Variants in MYO3A observed in about 807,000 individuals in gnomAD.
The protein encoded by MYO3A is myosin-IIIa.
In MYO3A, 180 loss-of-function variants were observed where a neutral mutation model predicts 192.7. The observed-to-expected ratio is 0.93, with a 90% CI of 0.83 to 1.06. The LOEUF (loss-of-function observed/expected upper bound fraction) is 1.06. MYO3A is among the 50% of genes least tolerant of loss of function. MYO3A has a pLI of 0.00. For missense variants in MYO3A, 1,896 were observed against 1,905.0 expected, an observed-to-expected ratio of 1.00 and a Z score of 0.09; for synonymous variants, 628 against 645.3, an observed-to-expected ratio of 0.97 and a Z score of 0.41.
At chr10:26,119,710 G>C (rs986106891) in intron 17 of MYO3A, among the ~76,000 whole-genome samples, 1 of 152,120 alleles carries the variant, frequency 6.6e-6, no homozygotes, top group African/African-American at 2.4e-5. Context: ...TGAAGAGCTA[G>C]AATTACCATA....
intron 17 of MYO3A, among the ~76,000 whole-genome samples, chr10:26,110,153 T>C (rs1838073722): frequency 6.6e-6 from 1 of 152,176 alleles, no homozygotes; most frequent in African/African-American, 2.4e-5. Flanking sequence ...TTGACCATCT[T>C]CATTTCTGAA....
intron 14 of MYO3A, among the ~76,000 whole-genome samples, chr10:26,080,535 G>A (rs1416044447): frequency 1.7e-5 from 2 of 117,340 alleles, no homozygotes; most frequent in African/African-American, 6.5e-5. Flanking sequence ...GGTAAATCTG[G>A]GTTTTTTTTT....
intron 34 of MYO3A, among the ~76,000 whole-genome samples, chr10:26,205,368 A>G (rs188382326): frequency 4.0e-5 from 6 of 151,734 alleles, no homozygotes; most frequent in African/African-American, 1.2e-4. Flanking sequence ...CCTCCTGCCT[A>G]ACTGACATTT....
chr10:25,968,548 G>T (rs907651287), intron 4 of MYO3A, among the ~76,000 whole-genome samples: 1 of 152,076 alleles, frequency 6.6e-6, no homozygotes, highest in Non-Finnish European at 1.5e-5. Context: ...AAGAAAAAAC[G>T]CTTTTTAGAA....
At chr10:26,194,143 T>C (rs1179731848) in intron 32 of MYO3A, among the ~76,000 whole-genome samples, 1 of 152,218 alleles carries the variant, frequency 6.6e-6, no homozygotes, top group Non-Finnish European at 1.5e-5. Flanking sequence ...TATTTCAGAC[T>C]ATTAATCATT....
intron 32 of MYO3A, among the ~76,000 whole-genome samples, chr10:26,200,297 A>G (rs1373498615): frequency 6.6e-6 from 1 of 152,208 alleles, no homozygotes; most frequent in Non-Finnish European, 1.5e-5. Context: ...TGTCTCTAAG[A>G]ATACTGGGGA....
At chr10:26,055,112 C>T (rs1020421623) in intron 10 of MYO3A, among the ~76,000 whole-genome samples, 1 of 152,182 alleles carries the variant, frequency 6.6e-6, no homozygotes, top group Non-Finnish European at 1.5e-5. Flanking sequence ...GTGGTGCTAA[C>T]CCTAGAGCTA....
intron 10 of MYO3A, among the ~76,000 whole-genome samples, chr10:26,065,579 C>A (rs1834770172): frequency 3.3e-5 from 3 of 90,136 alleles, no homozygotes; most frequent in South Asian, 4.3e-4. Context: ...AGCGAGACTC[C>A]ATCTCCAAAA....
At chr10:25,948,300 C>G (rs1410858529) in intron 2 of MYO3A, among the ~76,000 whole-genome samples, 2 of 151,990 alleles carry the variant, frequency 1.3e-5, no homozygotes, top group East Asian at 3.9e-4. Context: ...ATCTGAAGAT[C>G]CTGAAGATAC....
chr10:26,094,425 T>C (rs1055698764), intron 15 of MYO3A, among the ~76,000 whole-genome samples: 4 of 142,556 alleles, frequency 2.8e-5, no homozygotes, highest in Admixed American at 1.4e-4. Context: ...AATTTCTTTT[T>C]TTTTTTTTTT....
At chr10:26,113,594 C>T (rs1262769999) in intron 17 of MYO3A, among the ~76,000 whole-genome samples, 4 of 151,282 alleles carry the variant, frequency 2.6e-5, no homozygotes, top group African/African-American at 9.7e-5. Flanking sequence ...TTATTTTTTT[C>T]AATCAAAAAA....
intron 26 of MYO3A, among the ~76,000 whole-genome samples, chr10:26,158,464 C>A (rs1376663278): frequency 6.6e-6 from 1 of 151,882 alleles, no homozygotes; most frequent in Non-Finnish European, 1.5e-5. Context: ...ACCGTGTTAG[C>A]CAGGATGGTC....
chr10:26,127,283 G>T (rs10508712), intron 19 of MYO3A, among the ~76,000 whole-genome samples: 1 of 151,796 alleles, frequency 6.6e-6, no homozygotes, highest in African/African-American at 2.4e-5. Context: ...TATTTGTAAG[G>T]TCCCTCCTGC....
At chr10:25,978,005 G>A (rs1291634682) in intron 4 of MYO3A, among the ~76,000 whole-genome samples, 1 of 152,006 alleles carries the variant, frequency 6.6e-6, no homozygotes, top group Non-Finnish European at 1.5e-5. Flanking sequence ...GGCTTCTAAT[G>A]TGAATTTTTT....
intron 26 of MYO3A, among the ~76,000 whole-genome samples, chr10:26,162,544 A>T (rs1841533941): frequency 6.6e-6 from 1 of 152,186 alleles, no homozygotes; most frequent in South Asian, 2.1e-4. Context: ...AGGACTGAAT[A>T]TTTCTTGATT....
chr10:26,008,495 G>A (rs895847054), intron 6 of MYO3A, among the ~76,000 whole-genome samples: 4 of 147,848 alleles, frequency 2.7e-5, no homozygotes, highest in Non-Finnish European at 4.4e-5. Context: ...CTGACAAAGG[G>A]CTAATATCCA....
intron 26 of MYO3A, among the ~76,000 whole-genome samples, chr10:26,158,526 A>C (rs1841290988): frequency 6.6e-6 from 1 of 152,156 alleles, no homozygotes; most frequent in African/African-American, 2.4e-5. Context: ...AAGTGCTAGG[A>C]TTACAGGCGT....
At chr10:25,958,385 A>G (rs920246705) in intron 4 of MYO3A, among the ~76,000 whole-genome samples, 1 of 152,110 alleles carries the variant, frequency 6.6e-6, no homozygotes, top group African/African-American at 2.4e-5. Flanking sequence ...AGCTTTGTCA[A>G]AGTTCAGATA....
intron 18 of MYO3A, among the ~76,000 whole-genome samples, chr10:26,123,446 AG>A (rs1838996529): frequency 6.6e-6 from 1 of 152,236 alleles, no homozygotes; most frequent in Non-Finnish European, 1.5e-5. Context: ...GGAAGAAAAA[AG>A]TATTCAGCTT....
Sources: allele counts gnomAD v4.1 joint callset (sites outside exome capture counted in the v4.1 genomes callset), GRCh38; gene constraint gnomAD v4.1.1; transcripts MANE v1.5; gene names NCBI Gene and HGNC (gene_info 2026-07-23, HGNC 2026-07-21).